The following CRYBB2 variants were observed in gnomAD, a reference collection of about 807,000 sequenced individuals.
CRYBB2 encodes beta-crystallin B2.
CRYBB2 carries 12 observed loss-of-function variants against 24.3 expected under a neutral mutation model. That is an observed-to-expected ratio of 0.49 (90% CI 0.32 to 0.80). CRYBB2 has a LOEUF of 0.80. Among genes scored for constraint, CRYBB2 ranks in the 30% least tolerant of loss-of-function variants. The pLI, the probability that CRYBB2 is intolerant of heterozygous loss-of-function variation, is 0.04. For missense variants in CRYBB2, 198 were observed against 268.5 expected (o/e 0.74, Z 1.83); for synonymous variants, 98 against 101.6 (o/e 0.96, Z 0.21).
intron 4 of CRYBB2, 76 bp downstream of exon 4, chr22:25,228,061 G>A: frequency 6.2e-7 from 1 of 1,605,134 alleles, no homozygotes; most frequent in Non-Finnish European, 8.5e-7. Context: ...CTTGGAGCTG[G>A]AGGTCTGGGG....
At position 25,220,592 on chromosome 22, in the gene CRYBB2, T is replaced by C. The variant is rs570479574; in HGVS notation, c.-26-812T>C. Among the ~76,000 whole-genome samples the C allele has an allele frequency of 1.1e-4, 16 of 152,298 alleles. No homozygotes were observed. The East Asian group carries it at 3.1e-3, about 29-fold the overall frequency. ...GGAAACATCCAGTATTGGCCTTTCA[T>C]GTGGAAGGGGCTTCTGGAAGCTGGC... is the stretch of plus-strand genomic sequence containing the variant. On this transcript the variant is annotated intron_variant, in intron 1 of 5. Coordinates refer to ENST00000398215, the MANE Select transcript of CRYBB2 (RefSeq NM_000496.3).
intron 2 of CRYBB2, among the ~76,000 whole-genome samples, chr22:25,223,461 AG>A (rs1405307878): frequency 6.6e-6 from 1 of 152,200 alleles, no homozygotes; most frequent in East Asian, 1.9e-4. Context: ...CCCATTTGAC[AG>A]ATGAGGGACC....
intron 1 of CRYBB2, among the ~76,000 whole-genome samples, chr22:25,220,367 C>T (rs956989969): frequency 1.3e-5 from 2 of 152,162 alleles, no homozygotes; most frequent in Admixed American, 6.5e-5. Context: ...AGGATGAGAC[C>T]TGCCCAGAGT....
At chr22:25,221,731 A>G (rs886901570) in intron 2 of CRYBB2, among the ~76,000 whole-genome samples, 3 of 151,994 alleles carry the variant, frequency 2.0e-5, no homozygotes, top group Non-Finnish European at 4.4e-5. Context: ...TCTCTCCCTT[A>G]CCTGTTTTGC....
chr22:25,217,131 C>T (rs914720541), upstream of CRYBB2, among the ~76,000 whole-genome samples: 9 of 151,108 alleles, frequency 6.0e-5, no homozygotes, highest in Admixed American at 1.3e-4. Context: ...CTTTGGGGCA[C>T]GTGCACAGAA....
intron 2 of CRYBB2, among the ~76,000 whole-genome samples, chr22:25,224,025 G>A (rs1935369308): frequency 6.6e-6 from 1 of 151,826 alleles, no homozygotes; most frequent in South Asian, 2.1e-4. Flanking sequence ...TCAGGAGGCT[G>A]AGGCAGGAGA....
chr22:25,230,483 C>T (rs577296876), intron 5 of CRYBB2, among the ~76,000 whole-genome samples: 22 of 152,266 alleles, frequency 1.4e-4, no homozygotes, highest in Middle Eastern at 3.4e-3. Flanking sequence ...TTTTCAGAAT[C>T]TGTGTGAACT....
upstream of CRYBB2, among the ~76,000 whole-genome samples, chr22:25,217,848 C>T (rs977550595): frequency 5.8e-4 from 88 of 152,082 alleles, no homozygotes; most frequent in Non-Finnish European, 2.4e-4. Context: ...CGTGTGCATG[C>T]ATATGTGCAT....
In CRYBB2 at chr22:25,229,755, G is replaced by A. The variant is rs542919122; in HGVS notation, c.449+177G>A. ...CTCTGCCCATAGGTGGCTTACAGCC[G>A]CTGAATTTCTTTCTAGAGCTGCCTT... On this transcript the variant is annotated intron_variant, in intron 5 of 5. Transcript: ENST00000398215. Among the ~76,000 whole-genome samples, 78 of 152,258 alleles carry A rather than the reference G, an allele frequency of 5.1e-4. 1 individual carries two copies. Among genetic ancestry groups the A allele is most frequent in the African/African-American group, 1.6e-3 (65 of 41,540 alleles).
chr22:25,218,449 G>C (rs1935217168), upstream of CRYBB2, among the ~76,000 whole-genome samples: 1 of 151,516 alleles, frequency 6.6e-6, no homozygotes, highest in Non-Finnish European at 1.5e-5. Context: ...CTGAGCTCAG[G>C]AGTTTGAGAC....
At chr22:25,228,959 CGT>C (rs895653256) in intron 4 of CRYBB2, among the ~76,000 whole-genome samples, 4 of 148,642 alleles carry the variant, frequency 2.7e-5, no homozygotes, top group Admixed American at 6.7e-5. Context: ...CAAGTGTGTG[CGT>C]GTGTCCATGT....
At position 25,227,856 on chromosome 22, in the gene CRYBB2, G is replaced by A; in HGVS notation, c.177G>A (p.Trp59Ter). 6.2e-7 allele frequency: 1 copy of A among 1,614,146 alleles called. No homozygotes were observed. Among genetic ancestry groups the A allele is most frequent in the Non-Finnish European group, 8.5e-7 (1 of 1,180,044 alleles). ...TTTCTCTCTGTCTCCATGGCAGCTG[G>A]GTGGGCTATGAACAGGCCAACTGCA... Reference protein sequence around the residue: ...AGSVLVQAGPWVGYEQANCKG... With the variant: ...AGSVLVQAGP The change falls in exon 4 of 6, where the codon TGG becomes TGA. Residue 59 changes from tryptophan (W) to a stop codon, truncating the protein, a stop_gained. Transcript: ENST00000398215. LOFTEE classifies it high-confidence loss of function.
chr22:25,218,782 G>A (rs1369197983), upstream of CRYBB2, among the ~76,000 whole-genome samples: 4 of 38,840 alleles, frequency 1.0e-4, no homozygotes, highest in East Asian at 2.0e-3. Flanking sequence ...AGAGAGAGAA[G>A]AAAGAAAGAA....
chr22:25,218,810 GAA>G (rs1320451456), upstream of CRYBB2, among the ~76,000 whole-genome samples: 2 of 122,376 alleles, frequency 1.6e-5, no homozygotes, highest in African/African-American at 6.7e-5. Flanking sequence ...AAGAAAGAAA[GAA>G]AGAAAGAAAG....
At chr22:25,219,213 C>G (rs73162240), upstream of CRYBB2, among the ~76,000 whole-genome samples, 12,706 of 152,180 alleles carry the variant, frequency 0.083, 595 homozygotes, top group East Asian at 0.19. Flanking sequence ...CAAGTGGATG[C>G]CCAACAAATA....
chr22:25,225,543 C>T (rs1377437651), intron 3 of CRYBB2, among the ~76,000 whole-genome samples: 1 of 152,118 alleles, frequency 6.6e-6, no homozygotes, highest in Admixed American at 6.6e-5. Context: ...ACTTGGGGGC[C>T]AGGTCTCTAT....
chr22:25,218,035 G>A (rs1307544904), upstream of CRYBB2, among the ~76,000 whole-genome samples: 1 of 151,852 alleles, frequency 6.6e-6, no homozygotes, highest in Non-Finnish European at 1.5e-5. Flanking sequence ...CGAGACGGGC[G>A]GATAATGAGG....
intron 5 of CRYBB2, among the ~76,000 whole-genome samples, chr22:25,229,971 G>C (rs5760927): frequency 1.4e-5 from 2 of 146,536 alleles, no homozygotes; most frequent in African/African-American, 4.9e-5. Context: ...CTTTGACCGC[G>C]TGTGTCCCTA....
upstream of CRYBB2, among the ~76,000 whole-genome samples, chr22:25,218,696 G>GAA: frequency 3.3e-5 from 2 of 60,978 alleles, no homozygotes; most frequent in East Asian, 1.4e-3. Context: ...AAGAAAGAGA[G>GAA]AGAGAGAGGG....
Sources: gnomAD v4.1 joint callset for allele counts (sites outside exome capture counted in the v4.1 genomes callset) on GRCh38, gnomAD v4.1.1 for gene constraint, MANE v1.5 for transcripts, NCBI Gene and HGNC (gene_info 2026-07-23, HGNC 2026-07-21) for gene names.